The following BARX2 variants were observed in gnomAD, a reference collection of about 807,000 sequenced individuals.
BARX2 encodes homeobox protein BarH-like 2.
Under a neutral mutation model 25.5 loss-of-function variants are expected in BARX2, and 11 were observed. That is an observed-to-expected ratio of 0.43 (90% confidence interval 0.27 to 0.71). BARX2 has a LOEUF of 0.71. Ranked by LOEUF, BARX2 falls within the 30% of genes least tolerant of loss-of-function variation. The pLI is 0.19. For synonymous variants in BARX2, 137 were observed against 149.5 expected, an observed-to-expected ratio of 0.92 and a Z score of 0.61; for missense variants, 360 against 359.9, an observed-to-expected ratio of 1.00 and a Z score of 0.00.
At chr11:129,412,041 G>A (rs892655724) in intron 1 of BARX2, among the ~76,000 whole-genome samples, 1 of 152,142 alleles carries the variant, frequency 6.6e-6, no homozygotes, top group African/African-American at 2.4e-5. Flanking sequence ...GGGAGGCCGA[G>A]GCAGGCAGAT....
intron 1 of BARX2, among the ~76,000 whole-genome samples, chr11:129,407,361 G>A (rs531171184): frequency 1.3e-5 from 2 of 152,270 alleles, no homozygotes; most frequent in East Asian, 3.9e-4. Flanking sequence ...CCTCATTAGG[G>A]GCTCATTTAG....
chr11:129,404,214 C>T (rs1005383874), intron 1 of BARX2, among the ~76,000 whole-genome samples: 1 of 152,220 alleles, frequency 6.6e-6, no homozygotes, highest in Non-Finnish European at 1.5e-5. Context: ...GACGTTGCCA[C>T]GTCCTGAAGA....
chr11:129,451,411 C>G lies in BARX2; in HGVS notation c.*9C>G, dbSNP rs768566419. ...CCCCACCATTAAGCTAAAGTAAAAC[C>G]CTTTTGAGGGAAGAGGGAGACTGGG... On this transcript the variant is annotated 3_prime_UTR_variant, in exon 4 of 4. Coordinates refer to ENST00000281437, the MANE Select transcript of BARX2 (RefSeq NM_003658.5). 2 of 1,607,328 alleles carry G rather than the reference C, an allele frequency of 1.2e-6. No individual in the cohort carries two copies. The highest frequency in any genetic ancestry group is 1.7e-5 in the Admixed American group (1 of 59,828).
At position 129,376,572 on chromosome 11, in the gene BARX2, T is replaced by G. The variant is rs1335370447; in HGVS notation, c.187+350T>G. ...CGTTGTTTCAGGAAGTGGTGGTGTG[T>G]GTGAATTTCAAACTTGAGCTTGGCG... On this transcript the variant is annotated intron_variant, in intron 1 of 3. Coordinates refer to ENST00000281437, the MANE Select transcript of BARX2 (RefSeq NM_003658.5). The surrounding 1 kb of genome is among the most constrained non-coding windows in gnomAD (Gnocchi z 4.2). 1.3e-5 allele frequency among the ~76,000 whole-genome samples: 2 copies of G among 152,236 alleles called. No individual in the cohort carries two copies. The highest frequency in any genetic ancestry group is 2.9e-5 in the Non-Finnish European group (2 of 68,038).
intron 1 of BARX2, among the ~76,000 whole-genome samples, chr11:129,410,932 G>T (rs1468794073): frequency 6.6e-6 from 1 of 152,188 alleles, no homozygotes; most frequent in Non-Finnish European, 1.5e-5. Flanking sequence ...ACACGGTGCA[G>T]CCACAGTATA....
chr11:129,392,201 T>A (rs1269413531), intron 1 of BARX2, among the ~76,000 whole-genome samples: 11 of 152,148 alleles, frequency 7.2e-5, no homozygotes, highest in Non-Finnish European at 1.2e-4. Context: ...GGCCCTTGGG[T>A]CAGGGTGAGG....
intron 3 of BARX2, among the ~76,000 whole-genome samples, chr11:129,449,407 GA>G (rs1433958705): frequency 7.2e-6 from 1 of 139,232 alleles, no homozygotes; most frequent in Admixed American, 7.2e-5. Context: ...TACAAATATA[GA>G]AGACAAGAAG....
intron 1 of BARX2, among the ~76,000 whole-genome samples, chr11:129,410,709 A>G (rs1861877752): frequency 6.6e-6 from 1 of 152,166 alleles, no homozygotes; most frequent in Admixed American, 6.5e-5. Context: ...ATTTGGTTTC[A>G]CTGGAGAAGA....
Position 129,429,350 on chromosome 11 carries a change from A to G in BARX2, c.188-7401A>G, listed in dbSNP as rs527945079. On this transcript the variant is annotated intron_variant, in intron 1 of 3. Coordinates refer to ENST00000281437, the MANE Select transcript of BARX2 (RefSeq NM_003658.5). ...TGTTTGAGACCAGCCTGGGCAACAC[A>G]GGGAGACCCTGCCTCTAAAAAAAAA... 9.2e-5 allele frequency among the ~76,000 whole-genome samples: 14 copies of G among 152,104 alleles called. No homozygotes were observed. In the South Asian group the frequency reaches 2.9e-3, roughly 32 times the overall value.
chr11:129,450,966 G>A lies in BARX2; in HGVS notation c.574-170G>A, dbSNP rs75382060. ...AAATGCGTTGAGCATTTAAAAAATG[G>A]AGGTGTCTTTGTAGACCAGAGGTGA... On this transcript the variant is annotated intron_variant, in intron 3 of 3. Transcript: ENST00000281437. 2.2e-4 allele frequency among the ~76,000 whole-genome samples: 33 copies of A among 152,284 alleles called. No homozygotes were observed. In the East Asian group the frequency reaches 6.2e-3, roughly 29 times the overall value.
chr11:129,426,927 C>T (rs553440962), intron 1 of BARX2, among the ~76,000 whole-genome samples: 23 of 152,152 alleles, frequency 1.5e-4, no homozygotes, highest in Admixed American at 1.3e-3. Context: ...TGCTGTCAGT[C>T]TCGGTATATG....
chr11:129,376,116 C>A lies in BARX2; in HGVS notation c.81C>A (p.Ile27=). ...AARRRYKTFM[I]DEILSKETCD... is the part of the protein sequence containing the mutation. ...GGCGGCGCTACAAGACTTTCATGAT[C>A]GACGAGATCCTCTCCAAGGAGACCT... Residue 27 remains isoleucine, a synonymous_variant, in exon 1 of 4, where the codon ATC becomes ATA. Transcript: ENST00000281437. The surrounding 1 kb of genome is among the most constrained non-coding windows in gnomAD (Gnocchi z 4.2). 3 of 1,613,222 alleles carry A rather than the reference C, an allele frequency of 1.9e-6. No homozygotes were observed. The highest frequency in any genetic ancestry group is 2.5e-6 in the Non-Finnish European group (3 of 1,179,630).
chr11:129,434,400 TAAAAAAAAAAAAAAAGTAAGTAA>T (rs1471630011), intron 1 of BARX2, among the ~76,000 whole-genome samples: 7 of 81,838 alleles, frequency 8.6e-5, no homozygotes, highest in Non-Finnish European at 1.7e-4. Context: ...GTCTCTACTT[TAAAAAAAAAAAAAAAGTAAGTAA>T]AAAAAAAAAA....
At chr11:129,435,889 G>C (rs7122993) in intron 1 of BARX2, among the ~76,000 whole-genome samples, 19,388 of 152,090 alleles carry the variant, frequency 0.13, 1,235 homozygotes, top group East Asian at 0.17. Context: ...CATATAACTG[G>C]TATGTATGCC....
chr11:129,403,299 TA>T (rs1393887135), intron 1 of BARX2, among the ~76,000 whole-genome samples: 1 of 152,258 alleles, frequency 6.6e-6, no homozygotes, highest in Admixed American at 6.5e-5. Context: ...GTTGCAAACT[TA>T]ATTTTTATCA....
intron 2 of BARX2, among the ~76,000 whole-genome samples, chr11:129,442,367 G>A (rs1862271459): frequency 6.6e-6 from 1 of 152,178 alleles, no homozygotes; most frequent in South Asian, 2.1e-4. Flanking sequence ...AGGGTGCAGA[G>A]GAGACGAGCT....
chr11:129,387,570 C>T (rs1340398585), intron 1 of BARX2, among the ~76,000 whole-genome samples: 3 of 152,128 alleles, frequency 2.0e-5, no homozygotes, highest in South Asian at 2.1e-4. Context: ...GGAGATATTT[C>T]GGAAAGGTGT....
At chr11:129,415,388 C>T (rs1861933912) in intron 1 of BARX2, among the ~76,000 whole-genome samples, 1 of 152,138 alleles carries the variant, frequency 6.6e-6, no homozygotes, top group Non-Finnish European at 1.5e-5. Context: ...ATTTTTTCAG[C>T]AAAGCCTGCA....
At chr11:129,422,385 A>G (rs1251750558) in intron 1 of BARX2, among the ~76,000 whole-genome samples, 2 of 151,846 alleles carry the variant, frequency 1.3e-5, no homozygotes, top group African/African-American at 2.4e-5. Flanking sequence ...TGCCTCCTCC[A>G]ACTCCTCGGT....
Sources: gnomAD v4.1 joint callset for allele counts (sites outside exome capture counted in the v4.1 genomes callset) on GRCh38, gnomAD v4.1.1 for gene constraint, Gnocchi (gnomAD v3.1) non-coding constraint, MANE v1.5 for transcripts, NCBI Gene and HGNC (gene_info 2026-07-23, HGNC 2026-07-21) for gene names.